Variants in NBDY observed in about 807,000 individuals in gnomAD.
NBDY encodes negative regulator of P-body association, also known as P-body dissociating protein.
intron 2 of NBDY, among the ~76,000 whole-genome samples, chrX:56,785,684 C>T (rs954299029): frequency 1.8e-5 from 2 of 111,545 alleles, no homozygotes; most frequent in Admixed American, 9.5e-5. Context: ...GGTGCAGACT[C>T]GGGCTTAAGG....
intron 2 of NBDY, among the ~76,000 whole-genome samples, chrX:56,795,952 T>C (rs924112299): frequency 9.0e-6 from 1 of 111,698 alleles, no homozygotes; most frequent in African/African-American, 3.3e-5. Flanking sequence ...CCTGTCTTCA[T>C]CTGTGCTTGC....
chrX:56,734,914 T>C (rs1481266315), intron 2 of NBDY, among the ~76,000 whole-genome samples: 2 of 112,433 alleles, frequency 1.8e-5, no homozygotes, highest in Non-Finnish European at 3.7e-5. Flanking sequence ...AGTTGGTTTC[T>C]ATCATTAGCT....
chrX:56,741,087 T>G (rs905728759), intron 2 of NBDY, among the ~76,000 whole-genome samples: 2 of 111,274 alleles, frequency 1.8e-5, no homozygotes, highest in African/African-American at 6.5e-5. Context: ...TGAGAACATG[T>G]GATGTTTGTC....
At chrX:56,788,076 A>T (rs2069739852) in intron 2 of NBDY, among the ~76,000 whole-genome samples, 2 of 111,914 alleles carry the variant, frequency 1.8e-5, no homozygotes, top group African/African-American at 6.5e-5. Context: ...GAGCCATGAA[A>T]CCTAGAGAGG....
chrX:56,739,255 T>TAAAA (rs2069517302), intron 2 of NBDY, among the ~76,000 whole-genome samples: 1 of 81,193 alleles, frequency 1.2e-5, no homozygotes, highest in Non-Finnish European at 2.2e-5. Context: ...TATATATATA[T>TAAAA]ATATATATGT....
chrX:56,796,842 T>G lies in NBDY; in HGVS notation c.*167-20478T>G, dbSNP rs781434064. On this transcript the variant is annotated intron_variant, in intron 2 of 2. Transcript: ENST00000374922. Reference sequence around the variant, plus strand: ...TGATCCCACTCAGGAAAGATCTCATTGACAAGAAGCTTCTCGGTTGTGTGT... The same window carrying G: ...TGATCCCACTCAGGAAAGATCTCATGGACAAGAAGCTTCTCGGTTGTGTGT... 3.6e-5 allele frequency among the ~76,000 whole-genome samples: 4 copies of G among 110,730 alleles called. No individual in the cohort carries two copies. In the East Asian group the frequency reaches 1.1e-3, roughly 31 times the overall value.
intron 2 of NBDY, among the ~76,000 whole-genome samples, chrX:56,739,264 G>GTATATATATATATATA (rs59220932): frequency 6.6e-5 from 2 of 30,393 alleles, no homozygotes; most frequent in Non-Finnish European, 1.3e-4. Context: ...ATATATATAT[G>GTATATATATATATATA]TATGTATATA....
intron 2 of NBDY, among the ~76,000 whole-genome samples, chrX:56,797,406 C>T (rs1183459655): frequency 9.3e-6 from 1 of 107,433 alleles, no homozygotes; most frequent in Admixed American, 1.0e-4. Context: ...GCTTCTTCTT[C>T]TCCTTGGTGA....
At chrX:56,812,892 G>A (rs185313991) in intron 2 of NBDY, among the ~76,000 whole-genome samples, 1 of 110,945 alleles carries the variant, frequency 9.0e-6, no homozygotes, top group African/African-American at 3.3e-5. Context: ...TTGGTGATGG[G>A]TGTGTCCCCT....
chrX:56,761,169 C>T (rs1385469708), intron 2 of NBDY, among the ~76,000 whole-genome samples: 1 of 112,332 alleles, frequency 8.9e-6, no homozygotes, highest in African/African-American at 3.2e-5. Flanking sequence ...CCTGTCTTCA[C>T]CTGTGCTTCC....
intron 2 of NBDY, among the ~76,000 whole-genome samples, chrX:56,748,989 A>G (rs925992849): frequency 5.5e-5 from 6 of 108,972 alleles, no homozygotes; most frequent in Non-Finnish European, 1.1e-4. Context: ...GTAACAAGAA[A>G]AGGGGTAGAG....
intron 2 of NBDY, among the ~76,000 whole-genome samples, chrX:56,797,324 C>G (rs1300230906): frequency 1.9e-5 from 2 of 107,085 alleles, no homozygotes; most frequent in African/African-American, 3.4e-5. Context: ...TCTCCTTCTT[C>G]TTCTACTTGT....
chrX:56,763,781 A>C (rs550895550), intron 2 of NBDY, among the ~76,000 whole-genome samples: 8 of 112,469 alleles, frequency 7.1e-5, no homozygotes, highest in South Asian at 3.7e-4. Context: ...TTTGGTGATC[A>C]ATCTGGGACC....
chrX:56,737,299 C>CAGTT, intron 2 of NBDY: 1 of 966,171 alleles, frequency 1.0e-6, no homozygotes. Context: ...CTTGCACATA[C>CAGTT]AGTTCAAGGT....
At chrX:56,730,236 G>A (rs1273485774) in intron 1 of NBDY, among the ~76,000 whole-genome samples, 5 of 109,030 alleles carry the variant, frequency 4.6e-5, no homozygotes, top group Admixed American at 9.9e-5. Context: ...GAGTAGGGGG[G>A]CGGACGCGGT....
Position 56,818,752 on chromosome X carries a change from G to A in NBDY, c.*1599G>A, listed in dbSNP as rs1358447796. 9.0e-6 allele frequency: 1 copy of A among 111,482 alleles called. No individual in the cohort carries two copies. Among genetic ancestry groups the A allele is most frequent in the Non-Finnish European group, 1.9e-5 (1 of 53,070 alleles). The allele number at this position is 111,482 out of a possible 1,213,427, so 9.2% of individuals were successfully genotyped here. A position where few individuals can be genotyped will look rare whatever the true frequency, so the allele number is the denominator to read the frequency against. ...CCAAAACAATCTTGAAGTATACAAA[G>A]TTTGAAGAGTCACATTTCCAAATTT... On this transcript the variant is annotated 3_prime_UTR_variant, in exon 3 of 3. Coordinates refer to ENST00000374922, the MANE Select transcript of NBDY (RefSeq NM_001348129.2).
At chrX:56,791,524 G>C (rs1390581573) in intron 2 of NBDY, among the ~76,000 whole-genome samples, 1 of 111,795 alleles carries the variant, frequency 8.9e-6, no homozygotes. Flanking sequence ...ACCTGCACCT[G>C]TGTCCTCTGT....
intron 2 of NBDY, among the ~76,000 whole-genome samples, chrX:56,749,199 A>G (rs1443007769): frequency 3.6e-5 from 4 of 110,962 alleles, no homozygotes; most frequent in Non-Finnish European, 7.6e-5. Context: ...GATAATCATT[A>G]TTGAAGTGCT....
intron 2 of NBDY, among the ~76,000 whole-genome samples, chrX:56,786,352 G>T (rs1475120072): frequency 9.0e-6 from 1 of 111,444 alleles, no homozygotes; most frequent in Non-Finnish European, 1.9e-5. Flanking sequence ...TGTGACTATG[G>T]CTCTTTGTCC....
Sources: gnomAD v4.1 joint callset for allele counts (sites outside exome capture counted in the v4.1 genomes callset) on GRCh38, gnomAD v4.1.1 for gene constraint, MANE v1.5 for transcripts, NCBI Gene and HGNC (gene_info 2026-07-23, HGNC 2026-07-21) for gene names.